Variants in FMO5 observed in about 807,000 individuals in gnomAD.
The protein encoded by FMO5 is flavin-containing monooxygenase 5.
FMO5 carries 51 observed loss-of-function variants against 43.6 expected under a neutral mutation model. The ratio of observed to expected loss-of-function variants is 1.17; its 90% CI spans 0.93 to 1.48. The LOEUF (loss-of-function observed/expected upper bound fraction) is 1.48. FMO5 is among the 40% of genes most tolerant of loss of function. The pLI, the probability that FMO5 is intolerant of heterozygous loss-of-function variation, is 0.00. For missense variants in FMO5, 644 were observed against 643.0 expected (o/e 1.00, Z -0.02); for synonymous variants, 187 against 216.5 (o/e 0.86, Z 1.20).
chr1:147,216,715 C>G (rs1662056412), intron 2 of FMO5, among the ~76,000 whole-genome samples: 1 of 152,118 alleles, frequency 6.6e-6, no homozygotes, highest in Non-Finnish European at 1.5e-5. Flanking sequence ...TCCTTACTAC[C>G]AAAGTATGGT....
chr1:147,198,655 C>T (rs587653204), intron 7 of FMO5, among the ~76,000 whole-genome samples: 13 of 151,846 alleles, frequency 8.6e-5, no homozygotes, highest in African/African-American at 2.7e-4. Context: ...TGGAGACCAT[C>T]CTGGCTAACA....
At chr1:147,219,040 CT>C (rs1662521702) in intron 2 of FMO5, among the ~76,000 whole-genome samples, 1 of 152,104 alleles carries the variant, frequency 6.6e-6, no homozygotes, top group Non-Finnish European at 1.5e-5. Context: ...CTTTAAATCT[CT>C]ATTATCAGGA....
At chr1:147,185,106 A>G (rs587666807), downstream of FMO5, among the ~76,000 whole-genome samples, 6 of 152,186 alleles carry the variant, frequency 3.9e-5, no homozygotes, top group South Asian at 1.2e-3. Context: ...TTGTATCTTA[A>G]GTTGTTTTGA....
chr1:147,197,546 T>C (rs1301382483), intron 7 of FMO5, among the ~76,000 whole-genome samples: 1 of 152,118 alleles, frequency 6.6e-6, no homozygotes, highest in East Asian at 1.9e-4. Flanking sequence ...CTGCTCATGC[T>C]GTTCTCATGA....
At chr1:147,194,063 G>T (rs1467585687) in intron 7 of FMO5, among the ~76,000 whole-genome samples, 4 of 152,082 alleles carry the variant, frequency 2.6e-5, no homozygotes, top group Non-Finnish European at 4.4e-5. Context: ...GGGTATCCTT[G>T]TTAACCTTCT....
chr1:147,211,531 C>T (rs1407996048), intron 5 of FMO5: 2 of 152,114 alleles, frequency 1.3e-5, no homozygotes, highest in Non-Finnish European at 2.9e-5. Flanking sequence ...AGAATTGTAG[C>T]ACTAAGCTTC....
chr1:147,194,131 C>T (rs587656964), intron 7 of FMO5, among the ~76,000 whole-genome samples: 5 of 152,052 alleles, frequency 3.3e-5, no homozygotes, highest in African/African-American at 4.8e-5. Context: ...ATTATTATTG[C>T]GTGGGAGTCT....
chr1:147,187,946 A>C (rs1448789132), intron 8 of FMO5, among the ~76,000 whole-genome samples: 1 of 152,214 alleles, frequency 6.6e-6, no homozygotes, highest in Non-Finnish European at 1.5e-5. Flanking sequence ...ACTGTAGGAC[A>C]GAGAGGAAGA....
chr1:147,221,677 G>A (rs782344448), intron 2 of FMO5, among the ~76,000 whole-genome samples: 6 of 152,164 alleles, frequency 3.9e-5, no homozygotes, highest in East Asian at 1.9e-4. Flanking sequence ...AAAGTTCAAC[G>A]TTTACAAAGA....
chr1:147,215,608 A>T (rs1337945068), intron 3 of FMO5, 146 bp downstream of exon 3: 11 of 591,554 alleles, frequency 1.9e-5, no homozygotes. Context: ...GCAAAGGAGG[A>T]CAAAGAATGG....
At chr1:147,197,426 G>C (rs1169963412) in intron 7 of FMO5, among the ~76,000 whole-genome samples, 2 of 152,048 alleles carry the variant, frequency 1.3e-5, no homozygotes, top group Non-Finnish European at 2.9e-5. Context: ...GATATGGTTT[G>C]GCTGTGTCCC....
At chr1:147,225,825 C>A (rs28381166), upstream of FMO5, 1 of 152,154 alleles carries the variant, frequency 6.6e-6, no homozygotes, top group East Asian at 1.9e-4. Flanking sequence ...TTTATTCGGC[C>A]GGGAGCGTCG....
intron 2 of FMO5, among the ~76,000 whole-genome samples, chr1:147,219,259 G>T: frequency 6.6e-6 from 1 of 151,686 alleles, no homozygotes; most frequent in African/African-American, 2.4e-5. Flanking sequence ...TCTATCTATG[G>T]GTATATAATT....
In FMO5 at chr1:147,190,257, C is replaced by T; in HGVS notation, c.1184-8G>A. On this transcript the variant is annotated splice_region_variant and splice_polypyrimidine_tract_variant and intron_variant, in intron 7 of 8. Transcript: ENST00000254090. ...AGGGCAATGTCTTTAGACCTAAAAA[C>T]AAAAATTAACATTTTAACTGTAAAA... The T allele has an allele frequency of 6.5e-7, 1 of 1,548,036 alleles. No homozygotes were observed. The highest frequency in any genetic ancestry group is 8.9e-7 in the Non-Finnish European group (1 of 1,123,866).
At chr1:147,222,241 G>A (rs587603723) in intron 2 of FMO5, among the ~76,000 whole-genome samples, 37 of 152,238 alleles carry the variant, frequency 2.4e-4, no homozygotes, top group African/African-American at 8.2e-4. Context: ...GTAGTAGTGC[G>A]TGTATAATTT....
Position 147,190,176 on chromosome 1 carries a change from C to T in FMO5, c.1256+1G>A. ...TATATCTTCCTGGGAGAGTTTCTTA[C>T]CTTTTGTCAATTTCCTCTTGAGCTT... On this transcript the variant is annotated splice_donor_variant, in intron 8 of 8. Coordinates refer to ENST00000254090, the MANE Select transcript of FMO5 (RefSeq NM_001461.4). LOFTEE classifies it high-confidence loss of function. 1 of 1,596,826 alleles carries T rather than the reference C, an allele frequency of 6.3e-7. No homozygotes were observed. The highest frequency in any genetic ancestry group is 1.1e-5 in the South Asian group (1 of 90,252).
chr1:147,191,385 G>A (rs1226276570), intron 7 of FMO5, among the ~76,000 whole-genome samples: 1 of 152,148 alleles, frequency 6.6e-6, no homozygotes, highest in Admixed American at 6.5e-5. Flanking sequence ...TCTAACTGGT[G>A]TGAGATGGTA....
intron 7 of FMO5, among the ~76,000 whole-genome samples, chr1:147,197,489 A>G (rs1658208987): frequency 6.6e-6 from 1 of 152,058 alleles, no homozygotes; most frequent in Non-Finnish European, 1.5e-5. Flanking sequence ...GTGTCATGGG[A>G]GGGGCCTGGT....
chr1:147,184,574 G>A, downstream of FMO5: 1 of 1,548,908 alleles, frequency 6.5e-7, no homozygotes, highest in Non-Finnish European at 8.7e-7. This position sits in a 1 kb window ranked among gnomAD's most constrained non-coding sequence, Gnocchi z 4.4. Flanking sequence ...GAGGTAGTCA[G>A]GTATTTGTAG....
Sources: allele counts gnomAD v4.1 joint callset (sites outside exome capture counted in the v4.1 genomes callset), GRCh38; gene constraint gnomAD v4.1.1; non-coding constraint Gnocchi (gnomAD v3.1); transcripts MANE v1.5; gene names NCBI Gene and HGNC (gene_info 2026-07-23, HGNC 2026-07-21).